MTRR: variants seen among roughly 807,000 people sequenced by gnomAD.
The protein encoded by MTRR is methionine synthase reductase.
In MTRR, 63 loss-of-function variants were observed where a neutral mutation model predicts 79.2. The observed-to-expected ratio is 0.80, with a 90% CI of 0.65 to 0.98. The LOEUF (loss-of-function observed/expected upper bound fraction) is 0.98, where lower values mean the gene tolerates loss of function less well. Among genes scored for constraint, MTRR ranks in the 50% least tolerant of loss-of-function variants. The pLI is 0.00. For synonymous variants in MTRR, 355 were observed against 313.3 expected (o/e 1.13, Z -1.41); for missense variants, 895 against 839.6 (o/e 1.07, Z -0.82).
intron 1 of MTRR, among the ~76,000 whole-genome samples, chr5:7,853,477 A>G (rs1019516737): frequency 6.6e-6 from 1 of 152,202 alleles, no homozygotes; most frequent in African/African-American, 2.4e-5. Context: ...TCAGGCATAC[A>G]GGCATACAGT....
At chr5:7,851,187 G>C (rs1746070594), upstream of MTRR, 4 of 770,210 alleles carry the variant, frequency 5.2e-6, no homozygotes, top group Non-Finnish European at 7.0e-6. Flanking sequence ...CTGCCCTGCA[G>C]CATTCCCGCT....
chr5:7,877,256 A>G (rs187582880), intron 4 of MTRR, among the ~76,000 whole-genome samples: 185 of 152,314 alleles, frequency 1.2e-3, no homozygotes, highest in African/African-American at 4.4e-3. Context: ...TTGTTATGAT[A>G]ATTTGTTAGT....
chr5:7,890,210 A>G (rs1164784195), intron 9 of MTRR: 3 of 966,986 alleles, frequency 3.1e-6, no homozygotes, highest in Non-Finnish European at 3.7e-6. Context: ...AGTACAATTA[A>G]AGGCACCCTT....
At chr5:7,878,896 G>C (rs1031217443) in intron 5 of MTRR, among the ~76,000 whole-genome samples, 2 of 152,210 alleles carry the variant, frequency 1.3e-5, no homozygotes, top group Non-Finnish European at 2.9e-5. Flanking sequence ...TTGAGTGGCT[G>C]TTTGGAGTTC....
chr5:7,861,510 T>C (rs1221552937), intron 1 of MTRR: 1 of 1,111,776 alleles, frequency 9.0e-7, no homozygotes, highest in East Asian at 2.7e-5. Flanking sequence ...TTTCACCTTC[T>C]TGAGAAAAAG....
At chr5:7,887,548 A>T (rs1296634783) in intron 8 of MTRR, among the ~76,000 whole-genome samples, 1 of 147,882 alleles carries the variant, frequency 6.8e-6, no homozygotes, top group Non-Finnish European at 1.5e-5. Flanking sequence ...ATATATGTAT[A>T]TTTATATATA....
upstream of MTRR, chr5:7,866,893 A>G: frequency 6.2e-7 from 1 of 1,614,178 alleles, no homozygotes; most frequent in South Asian, 1.1e-5. Context: ...CTGTTTGGCA[A>G]ACAAAAGTTT....
At chr5:7,866,180 T>A (rs1746932896), upstream of MTRR, among the ~76,000 whole-genome samples, 1 of 152,074 alleles carries the variant, frequency 6.6e-6, no homozygotes, top group South Asian at 2.1e-4. Context: ...GAACCCAAGC[T>A]CCTAGCTACA....
intron 4 of MTRR, among the ~76,000 whole-genome samples, chr5:7,876,001 A>G (rs1734498027): frequency 6.6e-6 from 1 of 152,244 alleles, no homozygotes; most frequent in Non-Finnish European, 1.5e-5. Context: ...ATATTGTCCT[A>G]TAACTTACTT....
intron 1 of MTRR, chr5:7,861,565 C>A: frequency 1.3e-6 from 2 of 1,536,006 alleles, no homozygotes; most frequent in African/African-American, 1.4e-5. Context: ...ATGTGAAAAA[C>A]ACAACATTTT....
intron 10 of MTRR, among the ~76,000 whole-genome samples, chr5:7,892,047 T>TA (rs1048064360): frequency 4.0e-5 from 6 of 150,940 alleles, no homozygotes; most frequent in African/African-American, 1.2e-4. Context: ...CTCAAAAAAA[T>TA]AAAAAAAAAG....
intron 1 of MTRR, chr5:7,859,477 T>C: frequency 1.2e-6 from 2 of 1,608,024 alleles, no homozygotes; most frequent in South Asian, 2.2e-5. Flanking sequence ...AAAACAGTTT[T>C]CTTTGTAAAT....
At chr5:7,867,544 A>T (rs770559770), upstream of MTRR, 1 of 1,614,278 alleles carries the variant, frequency 6.2e-7, no homozygotes, top group Non-Finnish European at 8.5e-7. Context: ...CTTGCAAAGC[A>T]GTCACTAAAC....
Position 7,899,982 on chromosome 5 carries a change from T to C in MTRR, c.2021T>C (p.Val674Ala), listed in dbSNP as rs775031794. ...CAAATAATAAGCAAAGAGGTTGGAG[T>C]TGAAAAACTAGAAGCAATGAAAACC... Reference protein sequence around the residue: ...LVQIISKEVGVEKLEAMKTLA... With the variant: ...LVQIISKEVGAEKLEAMKTLA... The change falls in exon 15 of 15, where the codon GTT (valine) becomes GCT (alanine). Residue 674 changes from valine (V) to alanine (A), a missense_variant. Physicochemically the swap from Val to Ala is moderately conservative, Grantham distance 64. Coordinates refer to ENST00000440940, the MANE Select transcript of MTRR (RefSeq NM_002454.3). The C allele has an allele frequency of 1.3e-5, 21 of 1,613,618 alleles. No individual in the cohort carries two copies. The Admixed American group carries it at 2.5e-4, about 19-fold the overall frequency.
intron 9 of MTRR, 144 bp from the exon 10 acceptor site, chr5:7,891,228 C>G (rs1737491467): frequency 1.7e-6 from 1 of 602,744 alleles, no homozygotes; most frequent in Admixed American, 3.2e-5. Flanking sequence ...ACACAAAGTT[C>G]AAGTGCTTAA....
chr5:7,890,861 A>C (rs1255781052), intron 9 of MTRR, among the ~76,000 whole-genome samples: 1 of 152,236 alleles, frequency 6.6e-6, no homozygotes, highest in Non-Finnish European at 1.5e-5. Flanking sequence ...ATTTTTAAAA[A>C]CCAAACACTT....
At chr5:7,876,266 A>T (rs942225132) in intron 4 of MTRR, among the ~76,000 whole-genome samples, 1 of 152,088 alleles carries the variant, frequency 6.6e-6, no homozygotes, top group African/African-American at 2.4e-5. Context: ...ATTCTTCCTG[A>T]TTGTGACAAA....
At chr5:7,889,297 C>T (rs1231312243) in intron 9 of MTRR, 22 bp downstream of exon 9, 2 of 1,612,088 alleles carry the variant, frequency 1.2e-6, no homozygotes, top group Non-Finnish European at 1.7e-6. Flanking sequence ...CTTTCACAAG[C>T]ACCTTGGTGG....
intron 1 of MTRR, chr5:7,861,927 G>T: frequency 3.0e-6 from 1 of 336,982 alleles, no homozygotes; most frequent in Non-Finnish European, 5.0e-6. Flanking sequence ...AACCATGCAT[G>T]CTTTCTCTTT....
Sources: gnomAD v4.1 joint callset for allele counts (sites outside exome capture counted in the v4.1 genomes callset) on GRCh38, gnomAD v4.1.1 for gene constraint, MANE v1.5 for transcripts, NCBI Gene and HGNC (gene_info 2026-07-23, HGNC 2026-07-21) for gene names.